Variants in TBATA observed in about 807,000 individuals in gnomAD.
The protein encoded by TBATA is protein TBATA.
TBATA carries 47 observed loss-of-function variants against 38.7 expected under a neutral mutation model. The ratio of observed to expected loss-of-function variants is 1.21; its 90% confidence interval spans 0.96 to 1.55. The LOEUF (loss-of-function observed/expected upper bound fraction) is 1.55, where lower values mean the gene tolerates loss of function less well. Ranked by LOEUF, TBATA falls within the 40% of genes most tolerant of loss-of-function variation. TBATA has a pLI of 0.00. For missense variants in TBATA, 436 were observed against 435.6 expected (o/e 1.00, Z -0.01); for synonymous variants, 183 against 170.5 (o/e 1.07, Z -0.57).
At chr10:70,776,161 C>T (rs1843367042) in intron 7 of TBATA, among the ~76,000 whole-genome samples, 1 of 152,174 alleles carries the variant, frequency 6.6e-6, no homozygotes, top group Non-Finnish European at 1.5e-5. Flanking sequence ...CCCGTCGGTC[C>T]CCAGCAGGTC....
At chr10:70,781,645 C>T (rs1844227253) in intron 4 of TBATA, among the ~76,000 whole-genome samples, 156 bp downstream of exon 4, 1 of 152,228 alleles carries the variant, frequency 6.6e-6, no homozygotes, top group South Asian at 2.1e-4. Context: ...GCCCACTGAG[C>T]AGTCCTGGCT....
intron 3 of TBATA, among the ~76,000 whole-genome samples, 153 bp from the exon 4 acceptor site, chr10:70,782,189 G>T (rs1420768839): frequency 6.6e-6 from 1 of 152,130 alleles, no homozygotes; most frequent in African/African-American, 2.4e-5. Flanking sequence ...AGCACCAAAA[G>T]CTAGGCCTCC....
intron 9 of TBATA, among the ~76,000 whole-genome samples, chr10:70,772,994 C>T (rs2253901): frequency 0.7 from 106,286 of 152,042 alleles, 37,477 homozygotes; most frequent in East Asian, 0.91. Context: ...TTCCGTCTTG[C>T]ATTGGGCTTT....
chr10:70,775,371 G>A, intron 7 of TBATA, 101 bp from the exon 8 acceptor site: 1 of 929,548 alleles, frequency 1.1e-6, no homozygotes, highest in Non-Finnish European at 1.7e-6. Context: ...CCCCAAAGTG[G>A]GCTCCCAGAG....
chr10:70,783,547 T>C, intron 2 of TBATA, 22 bp from the exon 3 acceptor site: 3 of 695,068 alleles, frequency 4.3e-6, no homozygotes, highest in Non-Finnish European at 7.4e-6. Context: ...GAAATGGTAA[T>C]ATCTTTTAAA....
chr10:70,782,465 C>G, intron 3 of TBATA: 1 of 1,291,542 alleles, frequency 7.7e-7, no homozygotes, highest in South Asian at 1.2e-5. Context: ...AGCCCAGAGG[C>G]CAGCTATAGG....
chr10:70,773,196 C>T (rs1481388762), intron 9 of TBATA, among the ~76,000 whole-genome samples: 2 of 152,084 alleles, frequency 1.3e-5, no homozygotes, highest in Non-Finnish European at 2.9e-5. Context: ...AACACCAAGT[C>T]CAAGGCCTTG....
At chr10:70,777,412 CAGG>C in intron 6 of TBATA, 74 bp from the exon 7 acceptor site, 1 of 1,416,746 alleles carries the variant, frequency 7.1e-7, no homozygotes, top group Non-Finnish European at 9.7e-7. Flanking sequence ...AGGAGAGGAG[CAGG>C]AGGCCGGGTC....
intron 5 of TBATA, chr10:70,778,881 A>G: frequency 1.7e-6 from 1 of 605,696 alleles, no homozygotes; most frequent in Non-Finnish European, 3.0e-6. Flanking sequence ...GCTGATGTTG[A>G]TGTCCTAGCC....
chr10:70,782,254 G>C (rs747579728), intron 3 of TBATA: 1 of 1,445,830 alleles, frequency 6.9e-7, no homozygotes, highest in Admixed American at 2.0e-5. Flanking sequence ...TTCCTTATCA[G>C]GGAGCTGGCA....
chr10:70,781,644 G>T (rs1844226731), intron 4 of TBATA, among the ~76,000 whole-genome samples, 157 bp downstream of exon 4: 1 of 152,232 alleles, frequency 6.6e-6, no homozygotes, highest in South Asian at 2.1e-4. Flanking sequence ...TGCCCACTGA[G>T]CAGTCCTGGC....
rs142048450 is a variant in TBATA at position 70,776,279 on chromosome 10, C to T, written c.693+874G>A. 7 of 454,560 alleles carry T rather than the reference C, an allele frequency of 1.5e-5. No individual in the cohort carries two copies. The East Asian group carries it at 4.9e-4, about 32-fold the overall frequency. 28.2% of individuals were successfully genotyped at this position (454,560 alleles called of 1,614,324 possible). On this transcript the variant is annotated intron_variant, in intron 7 of 10. Coordinates refer to ENST00000456372, the MANE Select transcript of TBATA (RefSeq NM_001318241.2). Reference sequence around the variant, plus strand: ...ATGCCCACCCGCTGTGCTGACCCACCCTGACCTGCCCCTGGGCCCTTCTCC... The same window carrying T: ...ATGCCCACCCGCTGTGCTGACCCACTCTGACCTGCCCCTGGGCCCTTCTCC...
chr10:70,783,554 T>TA, intron 2 of TBATA, 29 bp from the exon 3 acceptor site: 2 of 660,824 alleles, frequency 3.0e-6, no homozygotes, highest in Non-Finnish European at 5.3e-6. Context: ...TAATATCTTT[T>TA]AAAATTGAGC....
intron 9 of TBATA, among the ~76,000 whole-genome samples, chr10:70,773,974 G>A (rs996046778): frequency 6.6e-6 from 1 of 152,234 alleles, no homozygotes; most frequent in East Asian, 1.9e-4. Flanking sequence ...AATTGACTCC[G>A]GTGGCCCCCT....
intron 7 of TBATA, among the ~76,000 whole-genome samples, chr10:70,775,662 T>C (rs929248041): frequency 3.9e-5 from 6 of 152,252 alleles, no homozygotes; most frequent in African/African-American, 1.4e-4. Context: ...AGGTCCGAGC[T>C]GGCCAGTCAG....
chr10:70,771,379 GCT>G lies in TBATA; in HGVS notation c.1054_1055del (p.Ser352LeufsTer36). On this transcript the variant is annotated frameshift_variant, in exon 11 of 11. Transcript: ENST00000456372. LOFTEE classifies it high-confidence loss of function. ...CAGGTGCAAGTGTTAGGGCCCCTCAGCTCTCTGCCCTCGGCTTCGATGTCTTC... is the reference window on the plus strand; with the variant it reads ...CAGGTGCAAGTGTTAGGGCCCCTCAGCTCTGCCCTCGGCTTCGATGTCTTC... ...EKKTSKPRAE[S>X] 1 of 1,614,228 alleles carries G rather than the reference GCT, an allele frequency of 6.2e-7. No homozygotes were observed. The highest frequency in any genetic ancestry group is 8.5e-7 in the Non-Finnish European group (1 of 1,180,032).
intron 4 of TBATA, among the ~76,000 whole-genome samples, chr10:70,781,582 A>T (rs1001729183): frequency 6.6e-6 from 1 of 152,228 alleles, no homozygotes; most frequent in South Asian, 2.1e-4. Flanking sequence ...AGAACCCAGC[A>T]GTCAGGGGAA....
In TBATA at chr10:70,775,201, C is replaced by A; in HGVS notation, c.763G>T (p.Ala255Ser). ...GCTGTGTCCTCACCCTTGGGCGGAG[C>A]GTAGAGCAGCCAGAACTGGATTGCG... is the stretch of plus-strand genomic sequence containing the variant. ...LSAIQFWLLY[A>S]PPKEKDLALG... Residue 255 changes from alanine to serine, a missense_variant, in exon 8 of 11, where the codon GCT (alanine) becomes TCT (serine). Ala to Ser is a moderately conservative substitution (Grantham distance 99). Transcript: ENST00000456372. 1.2e-6 allele frequency: 2 copies of A among 1,613,970 alleles called. No homozygotes were observed. Among genetic ancestry groups the A allele is most frequent in the South Asian group, 1.1e-5 (1 of 91,078 alleles).
chr10:70,783,980 G>T (rs983575977), intron 2 of TBATA, among the ~76,000 whole-genome samples: 2 of 152,174 alleles, frequency 1.3e-5, no homozygotes, highest in African/African-American at 4.8e-5. Context: ...TATATAATGT[G>T]TGGATAATAT....
Sources: gnomAD v4.1 joint callset for allele counts (sites outside exome capture counted in the v4.1 genomes callset) on GRCh38, gnomAD v4.1.1 for gene constraint, MANE v1.5 for transcripts, NCBI Gene and HGNC (gene_info 2026-07-23, HGNC 2026-07-21) for gene names.